ACYP2: variants seen among roughly 807,000 people sequenced by gnomAD.
The protein encoded by ACYP2 is acylphosphatase-2.
A neutral mutation model predicts 11.2 loss-of-function variants in ACYP2; 12 were observed. That is an observed-to-expected ratio of 1.08 (90% CI 0.69 to 1.74). The LOEUF is 1.74. ACYP2 is among the 40% of genes most tolerant of loss of function. The pLI is 0.00. For missense variants in ACYP2, 134 were observed against 101.9 expected, an observed-to-expected ratio of 1.31 and a Z score of -1.35; for synonymous variants, 43 against 32.2, an observed-to-expected ratio of 1.33 and a Z score of -1.13.
At chr2:54,122,369 T>C (rs1011446952) in intron 4 of ACYP2, among the ~76,000 whole-genome samples, 1 of 152,232 alleles carries the variant, frequency 6.6e-6, no homozygotes, top group Non-Finnish European at 1.5e-5. Flanking sequence ...TGTAGTGGAC[T>C]GGACCTTGAC....
intron 6 of ACYP2, among the ~76,000 whole-genome samples, chr2:54,257,894 A>G (rs1306942419): frequency 6.6e-6 from 1 of 152,246 alleles, no homozygotes; most frequent in Non-Finnish European, 1.5e-5. Flanking sequence ...GCTTAAAAAA[A>G]TGTTTCCACA....
At chr2:54,216,792 C>T (rs1685577435) in intron 6 of ACYP2, among the ~76,000 whole-genome samples, 1 of 152,216 alleles carries the variant, frequency 6.6e-6, no homozygotes, top group East Asian at 1.9e-4. Context: ...CCGCCTTGGC[C>T]TTCCAAAGTG....
At chr2:54,202,254 G>A (rs554324328) in intron 6 of ACYP2, among the ~76,000 whole-genome samples, 2 of 151,914 alleles carry the variant, frequency 1.3e-5, no homozygotes, top group African/African-American at 2.4e-5. Flanking sequence ...GACTACAGGT[G>A]CGTGTCACCA....
intron 6 of ACYP2, chr2:54,254,667 G>A (rs1263706434): frequency 4.1e-6 from 2 of 484,790 alleles, no homozygotes; most frequent in East Asian, 6.7e-5. Context: ...CATTCGCTTC[G>A]CTTAGAAGGA....
intron 2 of ACYP2, among the ~76,000 whole-genome samples, chr2:54,010,737 C>CTT (rs539896151): frequency 0.01 from 1,085 of 107,362 alleles, 61 homozygotes; most frequent in African/African-American, 0.024. Context: ...TTCTTTCTTT[C>CTT]TTTTTTTTTT....
At chr2:54,116,582 G>A (rs1572790139) in intron 4 of ACYP2, among the ~76,000 whole-genome samples, 2 of 149,092 alleles carry the variant, frequency 1.3e-5, no homozygotes, top group Admixed American at 6.7e-5. Context: ...ATGAATAAGT[G>A]TAATGCTTTT....
At chr2:54,126,624 A>G (rs1438973320) in intron 4 of ACYP2, among the ~76,000 whole-genome samples, 2 of 151,690 alleles carry the variant, frequency 1.3e-5, no homozygotes, top group African/African-American at 2.4e-5. Flanking sequence ...AAAGCATAAA[A>G]CAAATTAGAA....
intron 2 of ACYP2, among the ~76,000 whole-genome samples, chr2:54,022,360 A>T (rs1309565117): frequency 6.6e-6 from 1 of 152,036 alleles, no homozygotes; most frequent in Non-Finnish European, 1.5e-5. Flanking sequence ...ACAGGGTCTC[A>T]CCCTGTCACC....
At chr2:54,265,935 T>C (rs1403567793) in intron 6 of ACYP2, among the ~76,000 whole-genome samples, 1 of 152,140 alleles carries the variant, frequency 6.6e-6, no homozygotes, top group Admixed American at 6.6e-5. Flanking sequence ...ATCCTGAAAA[T>C]AGAGAATACC....
At chr2:54,228,687 A>G (rs1686106954) in intron 6 of ACYP2, among the ~76,000 whole-genome samples, 2 of 152,122 alleles carry the variant, frequency 1.3e-5, no homozygotes, top group Non-Finnish European at 2.9e-5. Flanking sequence ...TGAGATAATC[A>G]TAACAAAAAA....
At chr2:54,216,542 A>T (rs1292172448) in intron 6 of ACYP2, among the ~76,000 whole-genome samples, 4 of 146,460 alleles carry the variant, frequency 2.7e-5, no homozygotes, top group Non-Finnish European at 4.5e-5. Flanking sequence ...TCACGTTTAC[A>T]TTTTTTTTTT....
At chr2:54,082,739 T>C (rs1198210710) in intron 4 of ACYP2, 1 of 152,186 alleles carries the variant, frequency 6.6e-6, no homozygotes, top group African/African-American at 2.4e-5. Context: ...TGGGCTGACA[T>C]TCATGGTCTT....
chr2:54,192,884 G>A (rs1331235938), intron 6 of ACYP2, among the ~76,000 whole-genome samples: 3 of 152,166 alleles, frequency 2.0e-5, no homozygotes, highest in Admixed American at 6.5e-5. Context: ...GATCTCCTGA[G>A]AACTCACTAT....
At chr2:54,161,365 A>G (rs142309010) in intron 6 of ACYP2, among the ~76,000 whole-genome samples, 32 of 152,286 alleles carry the variant, frequency 2.1e-4, no homozygotes, top group African/African-American at 6.0e-4. Flanking sequence ...AGTGTTTCCA[A>G]TGAGCAGCCA....
intron 2 of ACYP2, among the ~76,000 whole-genome samples, chr2:54,044,854 C>G (rs749535164): frequency 9.2e-5 from 14 of 152,072 alleles, no homozygotes; most frequent in Non-Finnish European, 1.3e-4. Flanking sequence ...TCCCTATAAA[C>G]TTTACAAAAA....
At chr2:53,987,948 A>C (rs1672112047) in intron 2 of ACYP2, among the ~76,000 whole-genome samples, 1 of 152,138 alleles carries the variant, frequency 6.6e-6, no homozygotes. Flanking sequence ...TGTGGTTTGC[A>C]AATATTTTAT....
intron 2 of ACYP2, among the ~76,000 whole-genome samples, chr2:54,026,695 A>G (rs1170191834): frequency 6.6e-6 from 1 of 152,218 alleles, no homozygotes; most frequent in Non-Finnish European, 1.5e-5. Flanking sequence ...AAAAAGAGTC[A>G]TGTATCTATA....
At chr2:54,256,188 G>C in intron 6 of ACYP2, 1 of 1,568,598 alleles carries the variant, frequency 6.4e-7, no homozygotes, top group Non-Finnish European at 8.6e-7. Flanking sequence ...GTAGAGGCCA[G>C]GCCAGAGGTA....
At chr2:54,035,873 G>A (rs1009562884) in intron 2 of ACYP2, among the ~76,000 whole-genome samples, 1 of 152,106 alleles carries the variant, frequency 6.6e-6, no homozygotes, top group Non-Finnish European at 1.5e-5. Flanking sequence ...TAAACTGTAG[G>A]ATCAGAGCAG....
Sources: gnomAD v4.1 joint callset for allele counts (sites outside exome capture counted in the v4.1 genomes callset) on GRCh38, gnomAD v4.1.1 for gene constraint, MANE v1.5 for transcripts, NCBI Gene and HGNC (gene_info 2026-07-23, HGNC 2026-07-21) for gene names.